SYT16: variants seen among roughly 807,000 people sequenced by gnomAD.
SYT16 encodes synaptotagmin 16.
Under a neutral mutation model 61.4 loss-of-function variants are expected in SYT16, and 42 were observed. That is an observed-to-expected ratio of 0.68 (90% confidence interval 0.53 to 0.89). The LOEUF (loss-of-function observed/expected upper bound fraction) is 0.89. SYT16 is among the 40% of genes least tolerant of loss of function. The pLI is 0.00. For synonymous variants in SYT16, 314 were observed against 302.3 expected, an observed-to-expected ratio of 1.04 and a Z score of -0.40; for missense variants, 804 against 807.3, an observed-to-expected ratio of 1.00 and a Z score of 0.05.
chr14:61,920,264 T>G (rs2049279598), intron 1 of SYT16, among the ~76,000 whole-genome samples: 1 of 152,192 alleles, frequency 6.6e-6, no homozygotes, highest in Non-Finnish European at 1.5e-5. Flanking sequence ...TTTTTTAAAA[T>G]TTATTTTACT....
chr14:61,851,517 A>C (rs2140271930), intron 1 of SYT16, among the ~76,000 whole-genome samples: 1 of 151,884 alleles, frequency 6.6e-6, no homozygotes, highest in East Asian at 1.9e-4. Context: ...ACTAACTTAC[A>C]CTCCCACCAG....
intron 7 of SYT16, 125 bp downstream of exon 7, chr14:62,084,510 T>C: frequency 1.9e-6 from 2 of 1,055,640 alleles, no homozygotes; most frequent in Non-Finnish European, 2.7e-6. Context: ...AAGCAAGCTT[T>C]CACAAAGAGA....
At chr14:61,976,997 C>T (rs1436824751) in intron 2 of SYT16, among the ~76,000 whole-genome samples, 2 of 152,064 alleles carry the variant, frequency 1.3e-5, no homozygotes, top group African/African-American at 4.8e-5. Flanking sequence ...ATCTCTAGGA[C>T]CCTAGGGCAG....
chr14:61,878,592 ATT>A (rs1451934105), intron 1 of SYT16, among the ~76,000 whole-genome samples: 1 of 152,186 alleles, frequency 6.6e-6, no homozygotes, highest in Non-Finnish European at 1.5e-5. Context: ...AGGGACTTTG[ATT>A]TGAGAAAAGA....
intron 7 of SYT16, among the ~76,000 whole-genome samples, chr14:62,088,013 G>A (rs2056945166): frequency 6.6e-6 from 1 of 152,270 alleles, no homozygotes. Flanking sequence ...TACATTCTTG[G>A]TGTGAGTGTA....
At chr14:61,951,569 G>A (rs550216417) in intron 1 of SYT16, among the ~76,000 whole-genome samples, 4 of 152,068 alleles carry the variant, frequency 2.6e-5, no homozygotes, top group Admixed American at 6.5e-5. Flanking sequence ...GAAGAAAGTC[G>A]GATGTCTTTC....
Position 61,948,831 on chromosome 14 carries a change from G to A in SYT16, c.-324-21301G>A, listed in dbSNP as rs570783679. The stretch of plus-strand genomic sequence containing the variant: ...TTTAAGAAAGTGGTTGAAGTGATAG[G>A]AAGAGAACCCTAAACCAGGAGATTC... On this transcript the variant is annotated intron_variant, in intron 1 of 7. Coordinates refer to ENST00000683842, the MANE Select transcript of SYT16 (RefSeq NM_001367656.1). Among the ~76,000 whole-genome samples, 119 of 152,296 alleles carry A rather than the reference G, an allele frequency of 7.8e-4. 1 individual carries two copies. The highest frequency in any genetic ancestry group is 6.8e-3 in the Middle Eastern group (2 of 294).
intron 1 of SYT16, among the ~76,000 whole-genome samples, 191 bp from the exon 2 acceptor site, chr14:61,969,941 C>T (rs765824273): frequency 2.6e-5 from 4 of 152,110 alleles, no homozygotes; most frequent in Non-Finnish European, 5.9e-5. Flanking sequence ...GATGTACTGG[C>T]CAACAGTCCT....
chr14:61,894,239 T>C (rs773010931), intron 1 of SYT16, among the ~76,000 whole-genome samples: 1 of 151,384 alleles, frequency 6.6e-6, no homozygotes, highest in Non-Finnish European at 1.5e-5. Context: ...GAGCAGAGAT[T>C]GCGCCATTGC....
chr14:61,910,558 T>C (rs1351054051), intron 1 of SYT16, among the ~76,000 whole-genome samples: 28 of 141,304 alleles, frequency 2.0e-4, no homozygotes, highest in African/African-American at 7.5e-4. Context: ...TGAGACAGGT[T>C]CTCGCTCTGT....
chr14:62,010,641 C>T (rs2053408501), intron 3 of SYT16, among the ~76,000 whole-genome samples: 1 of 152,056 alleles, frequency 6.6e-6, no homozygotes, highest in Non-Finnish European at 1.5e-5. Flanking sequence ...TGAAGGATGT[C>T]AGGTATAGGA....
intron 1 of SYT16, among the ~76,000 whole-genome samples, chr14:61,876,889 A>G (rs1381657879): frequency 6.6e-6 from 1 of 152,200 alleles, no homozygotes. Flanking sequence ...TTGCTTAGGA[A>G]CAGAAATATC....
chr14:61,922,652 G>T (rs2049376266), intron 1 of SYT16, among the ~76,000 whole-genome samples: 2 of 151,970 alleles, frequency 1.3e-5, no homozygotes, highest in African/African-American at 4.8e-5. Flanking sequence ...TACTTACCTT[G>T]AATTTACAAA....
At chr14:61,951,782 T>C (rs2050680792) in intron 1 of SYT16, among the ~76,000 whole-genome samples, 1 of 152,024 alleles carries the variant, frequency 6.6e-6, no homozygotes, top group Non-Finnish European at 1.5e-5. Context: ...TCTATAATTA[T>C]ATTATATTCA....
At chr14:62,032,031 C>G (rs919309554) in intron 3 of SYT16, among the ~76,000 whole-genome samples, 1 of 152,102 alleles carries the variant, frequency 6.6e-6, no homozygotes, top group African/African-American at 2.4e-5. Context: ...TACAGAATAT[C>G]AGGTGAATTG....
intron 1 of SYT16, among the ~76,000 whole-genome samples, chr14:61,884,864 G>T (rs2047839386): frequency 6.6e-6 from 1 of 152,134 alleles, no homozygotes; most frequent in South Asian, 2.1e-4. Flanking sequence ...AAATGTGATC[G>T]GTGGTTTTGT....
At position 61,878,092 on chromosome 14, in the gene SYT16, A is replaced by G. The variant is rs533876630; in HGVS notation, c.-325+65282A>G. ...GTTCTCCAGGGATCCCAGGAAAATC[A>G]GATAGTTTCAATAAGAGTATTACAG... On this transcript the variant is annotated intron_variant, in intron 1 of 7. Coordinates refer to ENST00000683842, the MANE Select transcript of SYT16 (RefSeq NM_001367656.1). Among the ~76,000 whole-genome samples the G allele has an allele frequency of 2.6e-5, 4 of 152,314 alleles. No homozygotes were observed. In the South Asian group the frequency reaches 8.3e-4, roughly 32 times the overall value.
rs1261770429 is a variant in SYT16, at chr14:61,832,297, C to T, written c.-325+19487C>T. ...TAGTCATCGCTCTTCACAACATTTC[C>T]GTGTGCTCGTACAGACACCAAGGTG... On this transcript the variant is annotated intron_variant, in intron 1 of 7. Transcript: ENST00000683842. 4 of 589,348 alleles carry T rather than the reference C, an allele frequency of 6.8e-6. No homozygotes were observed. In the East Asian group the frequency reaches 1.3e-4, roughly 19 times the overall value. 36.5% of individuals were successfully genotyped at this position (589,348 alleles called of 1,614,324 possible). A position where few individuals can be genotyped will look rare whatever the true frequency, so the allele number is the denominator to read the frequency against.
rs565691604 is a variant in SYT16 at position 61,873,824 on chromosome 14, C to G, written c.-325+61014C>G. Among the ~76,000 whole-genome samples, 179 of 152,320 alleles carry G rather than the reference C, an allele frequency of 1.2e-3. 3 individuals are homozygous for G. The highest frequency in any genetic ancestry group is 3.4e-3 in the Middle Eastern group (1 of 294). ...ATGATGTCTTCCTCTACCCTGTGGT[C>G]TTTTAGGAAACCATAACTGATGGCA... On this transcript the variant is annotated intron_variant, in intron 1 of 7. Transcript: ENST00000683842.
Sources: gnomAD v4.1 joint callset for allele counts (sites outside exome capture counted in the v4.1 genomes callset) on GRCh38, gnomAD v4.1.1 for gene constraint, MANE v1.5 for transcripts, NCBI Gene and HGNC (gene_info 2026-07-23, HGNC 2026-07-21) for gene names.